Variants in ST6GAL1 observed in about 807,000 individuals in gnomAD.
The protein encoded by ST6GAL1 is beta-galactoside alpha-2,6-sialyltransferase 1.
In ST6GAL1, 20 loss-of-function variants were observed where a neutral mutation model predicts 38.0. That is an observed-to-expected ratio of 0.53 (90% CI 0.37 to 0.77). The LOEUF is 0.77. Ranked by LOEUF, ST6GAL1 falls within the 30% of genes least tolerant of loss-of-function variation. ST6GAL1 has a pLI of 0.00. For synonymous variants in ST6GAL1, 196 were observed against 188.2 expected (o/e 1.04, Z -0.34); for missense variants, 432 against 496.4 (o/e 0.87, Z 1.23).
At chr3:187,022,089 G>A (rs1475275359) in intron 2 of ST6GAL1, 3 of 152,386 alleles carry the variant, frequency 2.0e-5, no homozygotes, top group Admixed American at 1.3e-4. Context: ...ATGGAAGCTG[G>A]TTGGTCAGAA....
intron 5 of ST6GAL1, among the ~76,000 whole-genome samples, chr3:187,066,115 G>A (rs1220106417): frequency 1.3e-5 from 2 of 152,082 alleles, no homozygotes; most frequent in African/African-American, 4.8e-5. Context: ...ATCAACAACG[G>A]GTCTAAAACC....
At chr3:187,006,274 G>A (rs1716784510) in intron 2 of ST6GAL1, 1 of 152,088 alleles carries the variant, frequency 6.6e-6, no homozygotes. Flanking sequence ...TAGACCCAAA[G>A]GAGAGCCAGT....
chr3:187,015,986 C>T (rs143694336), intron 2 of ST6GAL1, among the ~76,000 whole-genome samples: 151 of 152,348 alleles, frequency 9.9e-4, no homozygotes, highest in Non-Finnish European at 1.8e-3. Context: ...AAGGATAACA[C>T]GGTACCGGCT....
At chr3:187,053,998 T>A (rs528974184) in intron 5 of ST6GAL1, among the ~76,000 whole-genome samples, 8 of 152,218 alleles carry the variant, frequency 5.3e-5, no homozygotes, top group Admixed American at 4.6e-4. Flanking sequence ...GTAGTTCTTG[T>A]TGAAGAGGAC....
At chr3:187,029,938 A>C (rs539011988) in intron 2 of ST6GAL1, among the ~76,000 whole-genome samples, 2 of 152,322 alleles carry the variant, frequency 1.3e-5, no homozygotes, top group South Asian at 4.2e-4. Flanking sequence ...AATAGGCTGC[A>C]TATAGACAGG....
At chr3:186,944,435 A>T (rs1159804318) in intron 1 of ST6GAL1, among the ~76,000 whole-genome samples, 1 of 152,216 alleles carries the variant, frequency 6.6e-6, no homozygotes, top group Non-Finnish European at 1.5e-5. Context: ...CCATCCTCCA[A>T]GATAATTCCT....
intron 1 of ST6GAL1, among the ~76,000 whole-genome samples, chr3:186,957,447 G>A (rs535734576): frequency 8.2e-4 from 124 of 152,022 alleles, no homozygotes; most frequent in South Asian, 2.5e-3. Context: ...TGTCCCTCCC[G>A]CCTAAAAGAA....
At chr3:187,036,915 C>T (rs1024063614) in intron 2 of ST6GAL1, among the ~76,000 whole-genome samples, 2 of 152,060 alleles carry the variant, frequency 1.3e-5, no homozygotes, top group Non-Finnish European at 2.9e-5. Context: ...TTAAAAAAAC[C>T]CTTTTCTTCT....
At position 187,076,953 on chromosome 3, in the gene ST6GAL1, A is replaced by G; in HGVS notation, c.*1150A>G. ...TTCTTCCTTTTCAATACCTACCCCC[A>G]AATCTTCTCCTAACCACCATCTGTT... On this transcript the variant is annotated 3_prime_UTR_variant, in exon 8 of 8. Transcript: ENST00000169298. The G allele has an allele frequency of 2.5e-6, 1 of 394,398 alleles. No individual in the cohort carries two copies. Among genetic ancestry groups the G allele is most frequent in the Non-Finnish European group, 4.4e-6 (1 of 225,532 alleles). The allele number at this position is 394,398 out of a possible 1,614,324, so 24.4% of individuals were successfully genotyped here. A position where few individuals can be genotyped will look rare whatever the true frequency, so the allele number is the denominator to read the frequency against.
chr3:187,022,193 A>G (rs1717338016), intron 2 of ST6GAL1, among the ~76,000 whole-genome samples: 1 of 152,096 alleles, frequency 6.6e-6, no homozygotes, highest in Admixed American at 6.5e-5. Flanking sequence ...ATTTCCAGGT[A>G]GATAGTGTTG....
intron 1 of ST6GAL1, among the ~76,000 whole-genome samples, chr3:186,960,294 A>G (rs537219807): frequency 6.6e-6 from 1 of 152,212 alleles, no homozygotes; most frequent in South Asian, 2.1e-4. Context: ...GAGAAAGGGG[A>G]TTGGCTGAGC....
At chr3:187,066,442 C>T (rs12054151) in intron 5 of ST6GAL1, among the ~76,000 whole-genome samples, 9,779 of 152,132 alleles carry the variant, frequency 0.064, 422 homozygotes, top group East Asian at 0.15. Context: ...TCCCTCACAG[C>T]CCTATTTCCA....
intron 2 of ST6GAL1, among the ~76,000 whole-genome samples, chr3:186,997,391 A>G (rs1288511370): frequency 1.3e-5 from 2 of 152,096 alleles, no homozygotes; most frequent in Non-Finnish European, 2.9e-5. Flanking sequence ...CCTAGTTCCT[A>G]TTCTGCTCTT....
At chr3:187,074,364 T>A (rs1213012871) in intron 7 of ST6GAL1, 31 bp downstream of exon 7, 1 of 1,514,548 alleles carries the variant, frequency 6.6e-7, no homozygotes, top group Admixed American at 2.3e-5. Flanking sequence ...AGACCTTGCA[T>A]GTTTGTTTCT....
In ST6GAL1 at chr3:186,981,996, A is replaced by G. The variant is rs189991951; in HGVS notation, c.-183+18070A>G. ...CTCATTTAATTCTCCTAACAACTCT[A>G]TGATAGCAGTCACGCTATGATACAG... On this transcript the variant is annotated intron_variant, in intron 2 of 7. Coordinates refer to ENST00000169298, the MANE Select transcript of ST6GAL1 (RefSeq NM_173216.2). Among the ~76,000 whole-genome samples the G allele has an allele frequency of 9.3e-3, 1,252 of 134,166 alleles. 21 individuals carry two copies. The highest frequency in any genetic ancestry group is 0.03 in the African/African-American group (1,195 of 39,324). The allele number at this position is 134,166 out of a possible 152,430, so 88.0% of individuals were successfully genotyped here.
chr3:187,073,979 T>A (rs928764437), intron 6 of ST6GAL1, 180 bp from the exon 7 acceptor site: 19 of 533,086 alleles, frequency 3.6e-5, no homozygotes, highest in African/African-American at 2.8e-4. Flanking sequence ...CACCCTGCTA[T>A]CCAGTGAAAC....
chr3:187,031,066 T>C (rs1038498384), intron 2 of ST6GAL1, among the ~76,000 whole-genome samples: 1 of 152,142 alleles, frequency 6.6e-6, no homozygotes, highest in Non-Finnish European at 1.5e-5. Context: ...GCTCTCAATC[T>C]GGTTGGGACA....
chr3:186,960,225 C>T (rs1714887305), intron 1 of ST6GAL1, among the ~76,000 whole-genome samples: 1 of 152,188 alleles, frequency 6.6e-6, no homozygotes, highest in Non-Finnish European at 1.5e-5. Flanking sequence ...CATTTAGCCA[C>T]CCTCTTCCTT....
At chr3:187,068,355 A>G (rs1239607209) in intron 5 of ST6GAL1, among the ~76,000 whole-genome samples, 1 of 151,734 alleles carries the variant, frequency 6.6e-6, no homozygotes, top group African/African-American at 2.4e-5. Context: ...AAAAAAAAAA[A>G]AAAAGAAGTG....
Sources: gnomAD v4.1 joint callset for allele counts (sites outside exome capture counted in the v4.1 genomes callset) on GRCh38, gnomAD v4.1.1 for gene constraint, MANE v1.5 for transcripts, NCBI Gene and HGNC (gene_info 2026-07-23, HGNC 2026-07-21) for gene names.